PACS2: variants seen among roughly 807,000 people sequenced by gnomAD.
The protein encoded by PACS2 is phosphofurin acidic cluster sorting protein 2, also known as PACS1-like protein.
Under a neutral mutation model 113.0 loss-of-function variants are expected in PACS2, and 36 were observed. That is an observed-to-expected ratio of 0.32 (90% CI 0.24 to 0.42). PACS2 has a LOEUF of 0.42. PACS2 is among the 10% of genes least tolerant of loss of function. The pLI is 1.00. For synonymous variants in PACS2, 589 were observed against 536.1 expected (o/e 1.10, Z -1.36); for missense variants, 1,015 against 1,239.5 (o/e 0.82, Z 2.72).
At chr14:105,377,237 C>T (rs1237961149) in intron 9 of PACS2, among the ~76,000 whole-genome samples, 2 of 152,136 alleles carry the variant, frequency 1.3e-5, no homozygotes, top group South Asian at 4.1e-4. Flanking sequence ...GTAGGGGATC[C>T]GTCTCTGGGG....
At chr14:105,379,381 G>T (rs587732810) in intron 9 of PACS2, among the ~76,000 whole-genome samples, 2 of 152,342 alleles carry the variant, frequency 1.3e-5, no homozygotes, top group African/African-American at 4.8e-5. Context: ...AGCAGGATTG[G>T]CCAGTGGAGC....
rs187333658 is a variant in PACS2 at position 105,370,329 on chromosome 14, C to T, written c.801+429C>T. ...CTCCCCACCTGACAGCCCCCCACTA[C>T]TGACATTCCATGGATTTTTAATGTT... On this transcript the variant is annotated intron_variant, in intron 8 of 24. Transcript: ENST00000447393. The T allele has an allele frequency of 6.5e-4, 91 of 139,570 alleles. 3 individuals are homozygous for T. In the East Asian group the frequency reaches 0.013, roughly 19 times the overall value. The allele number at this position is 139,570 out of a possible 1,614,324, so 8.6% of individuals were successfully genotyped here. A position where few individuals can be genotyped will look rare whatever the true frequency, so the allele number is the denominator to read the frequency against.
At chr14:105,305,193 G>C (rs587756943) in intron 1 of PACS2, among the ~76,000 whole-genome samples, 5 of 152,142 alleles carry the variant, frequency 3.3e-5, no homozygotes, top group African/African-American at 9.6e-5. Context: ...TTGAGTCCAG[G>C]AGTTTGAGAC....
intron 4 of PACS2, among the ~76,000 whole-genome samples, chr14:105,359,531 C>T (rs1327726637): frequency 6.6e-6 from 1 of 151,142 alleles, no homozygotes; most frequent in African/African-American, 2.4e-5. Context: ...TGGTCTTGAA[C>T]TCCTGACCTC....
intron 3 of PACS2, among the ~76,000 whole-genome samples, chr14:105,353,262 G>A (rs111563733): frequency 0.035 from 2,054 of 59,238 alleles, 308 homozygotes; most frequent in African/African-American, 0.16. Flanking sequence ...CACCCCCATC[G>A]CTGTCCCCTG....
intron 19 of PACS2, chr14:105,388,532 A>AT (rs1236491491): frequency 6.6e-6 from 1 of 152,298 alleles, no homozygotes; most frequent in Non-Finnish European, 1.5e-5. Flanking sequence ...CCTGCAAGGG[A>AT]TTCTCTCTGA....
intron 1 of PACS2, among the ~76,000 whole-genome samples, chr14:105,332,742 C>T (rs143700107): frequency 7.6e-4 from 115 of 152,280 alleles, no homozygotes; most frequent in South Asian, 2.5e-3. Flanking sequence ...CTGAGTCCCC[C>T]GCAGGACAGC....
At chr14:105,364,224 CAGA>C (rs2060839945) in intron 4 of PACS2, among the ~76,000 whole-genome samples, 2 of 152,110 alleles carry the variant, frequency 1.3e-5, no homozygotes, top group Admixed American at 1.3e-4. Context: ...CTGTAAAAAA[CAGA>C]AGATCAGCAA....
chr14:105,356,321 G>A lies in PACS2; in HGVS notation c.423+1144G>A, dbSNP rs1555405301. Among the ~76,000 whole-genome samples, 1 of 152,186 alleles carries A rather than the reference G, an allele frequency of 6.6e-6. No homozygotes were observed. The highest frequency in any genetic ancestry group is 2.4e-5 in the African/African-American group (1 of 41,448). On this transcript the variant is annotated intron_variant, in intron 4 of 24. Transcript: ENST00000447393. The surrounding 1 kb of genome is among the most constrained non-coding windows in gnomAD (Gnocchi z 4.0). ...ACCCCAGGAGATGGGAGCGTGGAGG[G>A]TACAGGAAGCAGCAGTGGCGTCCCG...
At chr14:105,393,118 A>G in intron 23 of PACS2, 104 bp from the exon 24 acceptor site, 1 of 877,074 alleles carries the variant, frequency 1.1e-6, no homozygotes, top group South Asian at 1.4e-5. Context: ...GAGCAGTGCC[A>G]TGACCAGCTG....
chr14:105,375,446 C>G (rs188156163), intron 8 of PACS2, among the ~76,000 whole-genome samples: 1 of 146,752 alleles, frequency 6.8e-6, no homozygotes, highest in East Asian at 2.0e-4. Context: ...CCACTGCACT[C>G]CAGCCTGGGC....
intron 16 of PACS2, chr14:105,383,955 C>G: frequency 3.5e-6 from 1 of 285,112 alleles, no homozygotes; most frequent in Non-Finnish European, 6.7e-6. Context: ...TAGGTCCATA[C>G]GATGTGTCTT....
chr14:105,344,360 G>A (rs1555402186), intron 1 of PACS2, among the ~76,000 whole-genome samples: 2 of 151,596 alleles, frequency 1.3e-5, no homozygotes, highest in East Asian at 1.9e-4. Context: ...ATACGATCTC[G>A]GCTCACTACA....
Position 105,317,537 on chromosome 14 carries a change from G to A in PACS2, c.119+2500G>A, listed in dbSNP as rs117659252. ...CTGGTGGGTGTGAAGTGGTATCGTG[G>A]TTTTAACTTGAATTTCTCTGATTAC... On this transcript the variant is annotated intron_variant, in intron 1 of 24. Transcript: ENST00000447393. The surrounding 1 kb of genome is among the most constrained non-coding windows in gnomAD (Gnocchi z 4.2). 3.2e-4 allele frequency among the ~76,000 whole-genome samples: 49 copies of A among 152,268 alleles called. 2 individuals are homozygous for A. The East Asian group carries it at 9.5e-3, about 29-fold the overall frequency.
chr14:105,321,912 G>C (rs2058900895), intron 1 of PACS2, among the ~76,000 whole-genome samples: 1 of 150,122 alleles, frequency 6.7e-6, no homozygotes, highest in African/African-American at 2.4e-5. Flanking sequence ...CATGTATCTA[G>C]ATTTCATTTT....
chr14:105,362,356 G>A (rs1381132668), intron 4 of PACS2, among the ~76,000 whole-genome samples: 1 of 149,378 alleles, frequency 6.7e-6, no homozygotes, highest in Non-Finnish European at 1.5e-5. Flanking sequence ...GGTGGAGCTT[G>A]CAGTGAGCCG....
Position 105,355,580 on chromosome 14 carries a change from G to A in PACS2, c.423+403G>A, listed in dbSNP as rs997209713. Among the ~76,000 whole-genome samples, 2 of 152,254 alleles carry A rather than the reference G, an allele frequency of 1.3e-5. No homozygotes were observed. The highest frequency in any genetic ancestry group is 2.9e-5 in the Non-Finnish European group (2 of 68,048). ...CCTGCTCAGCACGTGCTCTGGCCCAGGATTGGCTGAGCAGGAGCAGGACAG... is the reference window on the plus strand; with the variant it reads ...CCTGCTCAGCACGTGCTCTGGCCCAAGATTGGCTGAGCAGGAGCAGGACAG... On this transcript the variant is annotated intron_variant, in intron 4 of 24. Coordinates refer to ENST00000447393, the MANE Select transcript of PACS2 (RefSeq NM_001100913.3). This position sits in a 1 kb window ranked among gnomAD's most constrained non-coding sequence, Gnocchi z 4.1.
At chr14:105,341,626 A>G (rs898390968) in intron 1 of PACS2, among the ~76,000 whole-genome samples, 3 of 152,250 alleles carry the variant, frequency 2.0e-5, no homozygotes, top group Non-Finnish European at 2.9e-5. Flanking sequence ...CTCAGAACCA[A>G]CTGTGGATAA....
At position 105,324,367 on chromosome 14, in the gene PACS2, C is replaced by A. The variant is rs1053196197; in HGVS notation, c.119+9330C>A. On this transcript the variant is annotated intron_variant, in intron 1 of 24. Transcript: ENST00000447393. The surrounding 1 kb of genome is among the most constrained non-coding windows in gnomAD (Gnocchi z 4.7). Reference sequence around the variant, plus strand: ...AAGGGGTGGCAGGATGGAGGTTGTACAGTGCTTTCCCCAGGACCAGGGGGC... The same window carrying A: ...AAGGGGTGGCAGGATGGAGGTTGTAAAGTGCTTTCCCCAGGACCAGGGGGC... 6.6e-6 allele frequency among the ~76,000 whole-genome samples: 1 copy of A among 152,012 alleles called. No homozygotes were observed. The highest frequency in any genetic ancestry group is 1.5e-5 in the Non-Finnish European group (1 of 67,978).
Sources: allele counts gnomAD v4.1 joint callset (sites outside exome capture counted in the v4.1 genomes callset), GRCh38; gene constraint gnomAD v4.1.1; non-coding constraint Gnocchi (gnomAD v3.1); transcripts MANE v1.5; gene names NCBI Gene and HGNC (gene_info 2026-07-23, HGNC 2026-07-21).